AFAP1: variants seen among roughly 807,000 people sequenced by gnomAD.
AFAP1 encodes the protein actin filament associated protein 1.
A neutral mutation model predicts 93.9 loss-of-function variants in AFAP1; 75 were observed. The observed-to-expected ratio is 0.80, with a 90% confidence interval of 0.66 to 0.97. The LOEUF is 0.97. Ranked by LOEUF, AFAP1 falls within the 50% of genes least tolerant of loss-of-function variation. AFAP1 has a pLI of 0.00. For missense variants in AFAP1, 1,201 were observed against 1,050.8 expected, an observed-to-expected ratio of 1.14 and a Z score of -1.98; for synonymous variants, 517 against 430.7, an observed-to-expected ratio of 1.20 and a Z score of -2.48.
At chr4:7,888,695 G>A (rs1344262946) in intron 1 of AFAP1, among the ~76,000 whole-genome samples, 4 of 152,142 alleles carry the variant, frequency 2.6e-5, no homozygotes, top group African/African-American at 4.8e-5. Flanking sequence ...AAAGGGAAGG[G>A]CCAGCAAATA....
At chr4:7,809,398 C>T (rs1719814287) in intron 9 of AFAP1, 2 of 437,098 alleles carry the variant, frequency 4.6e-6, no homozygotes, top group Admixed American at 4.4e-5. Flanking sequence ...CTTGAAAGAA[C>T]CTTAGAGATC....
Position 7,781,427 on chromosome 4 carries a change from A to G in AFAP1, c.1731T>C (p.Ser577=), listed in dbSNP as rs1343446220. 2 of 1,552,094 alleles carry G rather than the reference A, an allele frequency of 1.3e-6. No homozygotes were observed. Among genetic ancestry groups the G allele is most frequent in the Admixed American group, 3.9e-5 (2 of 51,008 alleles). ...NHYKYPASAQ[S]VTNTSSVGRA... ...TCCCCACAGAAGAGGTATTAGTGAC[A>G]GACTGAGCGGAGGCAGGGTATTTGT... Residue 577 remains serine, a synonymous_variant, in exon 13 of 18, where the codon TCT becomes TCC. Coordinates refer to ENST00000420658, the MANE Select transcript of AFAP1 (RefSeq NM_001134647.2).
intron 11 of AFAP1, among the ~76,000 whole-genome samples, chr4:7,790,088 A>G (rs1255748166): frequency 1.3e-5 from 2 of 152,212 alleles, no homozygotes; most frequent in African/African-American, 4.8e-5. Flanking sequence ...TCTCCTAAGA[A>G]CCTTGAAAAG....
Position 7,816,071 on chromosome 4 carries a change from T to A in AFAP1, c.851A>T (p.Asp284Val). 1.2e-6 allele frequency: 2 copies of A among 1,612,900 alleles called. No homozygotes were observed. The highest frequency in any genetic ancestry group is 1.7e-6 in the Non-Finnish European group (2 of 1,179,558). ...TCCATTTTCCACAACACCCTCCCCA[T>A]CTGAGCTGGGTCTCTCTGAAGACAG... Reference protein sequence around the residue: ...KKLSSERPSSDGEGVVENGIT... With the variant: ...KKLSSERPSSVGEGVVENGIT... Residue 284 changes from aspartate (D) to valine (V), a missense_variant, in exon 8 of 18, where the codon GAT becomes GTT. By Grantham distance (152) the Asp-to-Val change is radical (BLOSUM62 -3). Transcript: ENST00000420658.
chr4:7,933,524 G>C (rs1286669235), intron 1 of AFAP1, among the ~76,000 whole-genome samples: 2 of 152,114 alleles, frequency 1.3e-5, no homozygotes, highest in African/African-American at 2.4e-5. Context: ...AGTGAGCTGT[G>C]ATCACACCAC....
chr4:7,799,192 C>G lies in AFAP1; in HGVS notation c.1266+1250G>C, dbSNP rs190796920. The G allele has an allele frequency of 5.9e-4, 337 of 569,368 alleles. No homozygotes were observed. The African/African-American group carries it at 6.5e-3, about 11-fold the overall frequency. 35.3% of individuals were successfully genotyped at this position (569,368 alleles called of 1,614,324 possible). A position where few individuals can be genotyped will look rare whatever the true frequency, so the allele number is the denominator to read the frequency against. On this transcript the variant is annotated intron_variant, in intron 10 of 17. Coordinates refer to ENST00000420658, the MANE Select transcript of AFAP1 (RefSeq NM_001134647.2). ...GAGACTGGAACCCAGCTGTCCCAAG[C>G]CCATCTGAGCCCAGCCCTCTCTGTT...
In AFAP1 at chr4:7,761,354, G is replaced by T. The variant is rs373221866; in HGVS notation, c.*2411C>A. On this transcript the variant is annotated 3_prime_UTR_variant, in exon 18 of 18. Transcript: ENST00000420658. The stretch of plus-strand genomic sequence containing the variant: ...TTGCCTCCGCTTTAAAAGGCTTAGG[G>T]TTGTGGATGTGAATTACAAACCTGG... 6.6e-6 allele frequency: 1 copy of T among 152,256 alleles called. No individual in the cohort carries two copies. The highest frequency in any genetic ancestry group is 6.5e-5 in the Admixed American group (1 of 15,288). 9.4% of individuals were successfully genotyped at this position (152,256 alleles called of 1,614,324 possible). A position where few individuals can be genotyped will look rare whatever the true frequency, so the allele number is the denominator to read the frequency against.
intron 10 of AFAP1, among the ~76,000 whole-genome samples, chr4:7,795,851 A>G (rs991152567): frequency 5.3e-5 from 8 of 152,184 alleles, no homozygotes; most frequent in East Asian, 1.9e-4. Context: ...GAGTTTACCA[A>G]TTGTTTTCTT....
chr4:7,883,203 A>G (rs1185020462), intron 1 of AFAP1, among the ~76,000 whole-genome samples: 1 of 151,436 alleles, frequency 6.6e-6, no homozygotes, highest in Non-Finnish European at 1.5e-5. Context: ...AAAAAAAAAA[A>G]AAAAGAGGAG....
chr4:7,849,351 T>C (rs1714172348), intron 4 of AFAP1, among the ~76,000 whole-genome samples: 1 of 151,848 alleles, frequency 6.6e-6, no homozygotes, highest in South Asian at 2.1e-4. Flanking sequence ...ATTAGATGTT[T>C]CACAATTAAA....
At chr4:7,808,071 A>T (rs1052063749) in intron 9 of AFAP1, among the ~76,000 whole-genome samples, 3 of 152,274 alleles carry the variant, frequency 2.0e-5, no homozygotes, top group African/African-American at 7.2e-5. Flanking sequence ...GGTGCTCAAT[A>T]AGGGGTGGGG....
intron 4 of AFAP1, among the ~76,000 whole-genome samples, chr4:7,845,716 A>G (rs1343338874): frequency 1.3e-5 from 2 of 151,896 alleles, no homozygotes; most frequent in Non-Finnish European, 2.9e-5. Flanking sequence ...CACACCCCAC[A>G]CACCCATCAG....
At chr4:7,787,225 C>T (rs116726987) in intron 11 of AFAP1, among the ~76,000 whole-genome samples, 5 of 152,346 alleles carry the variant, frequency 3.3e-5, no homozygotes, top group Non-Finnish European at 5.9e-5. Context: ...TGTGTGTATG[C>T]GGCGGTGCCG....
intron 17 of AFAP1, among the ~76,000 whole-genome samples, chr4:7,767,482 A>G (rs1250763400): frequency 6.6e-6 from 1 of 152,204 alleles, no homozygotes; most frequent in East Asian, 1.9e-4. Context: ...AACATCCCCC[A>G]GGCAAAACAT....
At chr4:7,861,043 G>C (rs1380178588) in intron 3 of AFAP1, among the ~76,000 whole-genome samples, 1 of 152,154 alleles carries the variant, frequency 6.6e-6, no homozygotes, top group Admixed American at 6.5e-5. Flanking sequence ...AATAAATGAC[G>C]AGAGCTGATC....
In AFAP1 at chr4:7,872,054, G is replaced by C; in HGVS notation, c.25C>G (p.Arg9Gly). Residue 9 changes from arginine (R) to glycine (G), a missense_variant, in exon 2 of 18, where the codon CGT becomes GGT. By Grantham distance (125) the Arg-to-Gly change is moderately radical. Coordinates refer to ENST00000420658, the MANE Select transcript of AFAP1 (RefSeq NM_001134647.2). MEELIVEL[R>G]LFLELLDHEY... is the part of the protein sequence containing the mutation. ...TGGTCCAGGAGTTCAAGAAAGAGAC[G>C]AAGTTCAACTATTAACTCTTCCATT... 1.2e-6 allele frequency: 2 copies of C among 1,613,994 alleles called. No individual in the cohort carries two copies. The highest frequency in any genetic ancestry group is 2.7e-5 in the African/African-American group (2 of 75,018).
chr4:7,901,737 A>T (rs985397564), intron 1 of AFAP1, among the ~76,000 whole-genome samples: 2 of 152,274 alleles, frequency 1.3e-5, no homozygotes, highest in Non-Finnish European at 2.9e-5. Flanking sequence ...AACTGGATGC[A>T]TGAGAACATT....
At chr4:7,808,673 T>A (rs1024445267) in intron 9 of AFAP1, among the ~76,000 whole-genome samples, 5 of 152,208 alleles carry the variant, frequency 3.3e-5, no homozygotes, top group Admixed American at 2.0e-4. Context: ...TGAAATGTGA[T>A]CCCCAGTGTG....
At chr4:7,818,514 G>GA (rs1242143173) in intron 7 of AFAP1, among the ~76,000 whole-genome samples, 5 of 152,174 alleles carry the variant, frequency 3.3e-5, no homozygotes, top group Admixed American at 2.0e-4. Flanking sequence ...GGTCTCCAAG[G>GA]AAACAATATC....
Sources: gnomAD v4.1 joint callset for allele counts (sites outside exome capture counted in the v4.1 genomes callset) on GRCh38, gnomAD v4.1.1 for gene constraint, MANE v1.5 for transcripts, NCBI Gene and HGNC (gene_info 2026-07-23, HGNC 2026-07-21) for gene names.